The following STK32B variants were observed in gnomAD, a reference collection of about 807,000 sequenced individuals.
STK32B encodes the protein serine/threonine kinase 32B.
Under a neutral mutation model 52.6 loss-of-function variants are expected in STK32B, and 43 were observed. The observed-to-expected ratio is 0.82, with a 90% CI of 0.64 to 1.05. STK32B has a LOEUF of 1.05. Among genes scored for constraint, STK32B ranks in the 50% least tolerant of loss-of-function variants. The probability of loss-of-function intolerance (pLI) is 0.00; values close to 1 mark genes in which losing one functional copy is unlikely to be tolerated. For synonymous variants in STK32B, 238 were observed against 204.3 expected (o/e 1.17, Z -1.41); for missense variants, 621 against 534.6 (o/e 1.16, Z -1.59).
rs75366691 is a variant in STK32B, at chr4:5,193,509, G to A, written c.260+25059G>A. On this transcript the variant is annotated intron_variant, in intron 3 of 11. Coordinates refer to ENST00000282908, the MANE Select transcript of STK32B (RefSeq NM_018401.3). ...CCACCATGGACCTTGCCTCCCAGGC[G>A]CCGTGGAAGCCTCTGCGTCATGCAG... 2.1e-3 allele frequency among the ~76,000 whole-genome samples: 313 copies of A among 152,264 alleles called. 7 individuals carry two copies. In the East Asian group the frequency reaches 0.05, roughly 25 times the overall value.
intron 1 of STK32B, among the ~76,000 whole-genome samples, chr4:5,062,918 T>G (rs935361525): frequency 2.0e-5 from 3 of 152,252 alleles, no homozygotes; most frequent in African/African-American, 7.2e-5. Flanking sequence ...CTTGCTGCTG[T>G]GAGTAGCTGC....
intron 4 of STK32B, among the ~76,000 whole-genome samples, chr4:5,333,526 G>C (rs1472102684): frequency 1.3e-5 from 2 of 152,106 alleles, no homozygotes; most frequent in African/African-American, 4.8e-5. Context: ...ATTGCTTTTG[G>C]TGTTTTAGAC....
intron 3 of STK32B, among the ~76,000 whole-genome samples, chr4:5,263,579 TG>T (rs1184767550): frequency 2.6e-5 from 4 of 152,238 alleles, no homozygotes; most frequent in Non-Finnish European, 5.9e-5. Flanking sequence ...ACCATCACAC[TG>T]GCTAAGAGTG....
At chr4:5,165,929 GCACTCC>G (rs1213408943) in intron 2 of STK32B, among the ~76,000 whole-genome samples, 1 of 152,148 alleles carries the variant, frequency 6.6e-6, no homozygotes, top group African/African-American at 2.4e-5. Flanking sequence ...GTGCCGCCTG[GCACTCC>G]CACTTCCTGC....
chr4:5,264,429 G>A (rs964585137), intron 3 of STK32B, among the ~76,000 whole-genome samples: 11 of 151,888 alleles, frequency 7.2e-5, no homozygotes, highest in Admixed American at 3.3e-4. Flanking sequence ...TAGTATTTAT[G>A]TATCTTCCTT....
At chr4:5,062,729 C>T (rs1217886831) in intron 1 of STK32B, among the ~76,000 whole-genome samples, 1 of 151,950 alleles carries the variant, frequency 6.6e-6, no homozygotes, top group South Asian at 2.1e-4. Flanking sequence ...AGGATGGTCT[C>T]GATCTCCTGA....
chr4:5,076,672 G>A (rs1296428943), intron 1 of STK32B, among the ~76,000 whole-genome samples: 2 of 152,250 alleles, frequency 1.3e-5, no homozygotes, highest in Admixed American at 6.5e-5. Flanking sequence ...TGTGGAAAAT[G>A]TATGAAAAAG....
intron 3 of STK32B, among the ~76,000 whole-genome samples, chr4:5,189,033 C>G (rs1720974747): frequency 6.6e-6 from 1 of 150,696 alleles, no homozygotes; most frequent in Non-Finnish European, 1.5e-5. Flanking sequence ...AAAAGAAAAA[C>G]AGATGTAAAA....
At chr4:5,043,111 TCA>T in the STK32B span, among the ~76,000 whole-genome samples, 1 of 42,784 alleles carries the variant, frequency 2.3e-5, no homozygotes, top group Non-Finnish European at 3.9e-5. Flanking sequence ...AGACTCCGTC[TCA>T]AAAAAAAAAA....
intron 3 of STK32B, among the ~76,000 whole-genome samples, chr4:5,306,869 A>G (rs1729959611): frequency 6.6e-6 from 1 of 152,176 alleles, no homozygotes; most frequent in Non-Finnish European, 1.5e-5. Flanking sequence ...GTTTGTCTGA[A>G]AAAGACTACC....
At chr4:5,393,347 A>G (rs924189694) in intron 4 of STK32B, among the ~76,000 whole-genome samples, 3 of 152,212 alleles carry the variant, frequency 2.0e-5, no homozygotes, top group African/African-American at 7.2e-5. Context: ...TGTAGCCATT[A>G]GAGAGGGCAT....
intron 3 of STK32B, among the ~76,000 whole-genome samples, chr4:5,320,219 C>T (rs1351054633): frequency 1.3e-5 from 2 of 152,136 alleles, no homozygotes; most frequent in Non-Finnish European, 1.5e-5. Flanking sequence ...AGAGCGGCCA[C>T]ATCTGGTTGA....
chr4:5,490,045 A>C (rs1719582020), intron 11 of STK32B, among the ~76,000 whole-genome samples: 2 of 152,108 alleles, frequency 1.3e-5, no homozygotes, highest in Admixed American at 1.3e-4. Flanking sequence ...GGTTGGACCC[A>C]AATTATTTTT....
At chr4:5,320,492 A>C (rs780985232) in intron 3 of STK32B, among the ~76,000 whole-genome samples, 2 of 152,230 alleles carry the variant, frequency 1.3e-5, no homozygotes, top group Non-Finnish European at 2.9e-5. Context: ...TATTGTTTAC[A>C]TTGAAAAAAA....
chr4:5,156,044 C>A (rs1472686168), intron 2 of STK32B, among the ~76,000 whole-genome samples: 1 of 151,806 alleles, frequency 6.6e-6, no homozygotes, highest in Non-Finnish European at 1.5e-5. Context: ...AGATCCACCA[C>A]AAAACACATA....
chr4:5,366,006 G>C (rs1734852760), intron 4 of STK32B, among the ~76,000 whole-genome samples: 1 of 152,170 alleles, frequency 6.6e-6, no homozygotes, highest in Non-Finnish European at 1.5e-5. Flanking sequence ...GCAGACTCTG[G>C]ATACTTCCTC....
chr4:5,174,305 A>C lies in STK32B; in HGVS notation c.260+5855A>C, dbSNP rs139583778. Among the ~76,000 whole-genome samples, 788 of 152,222 alleles carry C rather than the reference A, an allele frequency of 5.2e-3. 7 individuals carry two copies. The highest frequency in any genetic ancestry group is 0.027 in the Middle Eastern group (8 of 294). ...TGGAGCATTTAGCCCATTTACATTTAAGGTTAATATTGTTATGTGTGAATT... is the reference window on the plus strand; with the variant it reads ...TGGAGCATTTAGCCCATTTACATTTCAGGTTAATATTGTTATGTGTGAATT... On this transcript the variant is annotated intron_variant, in intron 3 of 11. Coordinates refer to ENST00000282908, the MANE Select transcript of STK32B (RefSeq NM_018401.3).
At chr4:5,477,025 C>A (rs532088078) in intron 11 of STK32B, among the ~76,000 whole-genome samples, 94 of 152,176 alleles carry the variant, frequency 6.2e-4, no homozygotes, top group African/African-American at 1.9e-3. Context: ...GTCTCTAGAA[C>A]AAAGCGAGAC....
chr4:5,046,024 A>C, the STK32B span, among the ~76,000 whole-genome samples: 2 of 152,210 alleles, frequency 1.3e-5, no homozygotes, highest in African/African-American at 4.8e-5. Context: ...TTTAAATATC[A>C]TATGACATCA....
Sources: gnomAD v4.1 joint callset for allele counts (sites outside exome capture counted in the v4.1 genomes callset) on GRCh38, gnomAD v4.1.1 for gene constraint, MANE v1.5 for transcripts, NCBI Gene and HGNC (gene_info 2026-07-23, HGNC 2026-07-21) for gene names.